Variants in CNTN5 observed in about 807,000 individuals in gnomAD.
CNTN5 encodes contactin 5.
CNTN5 carries 77 observed loss-of-function variants against 129.1 expected under a neutral mutation model. The ratio of observed to expected loss-of-function variants is 0.60; its 90% CI spans 0.50 to 0.72. CNTN5 has a LOEUF of 0.72. CNTN5 is among the 30% of genes least tolerant of loss of function. The probability of loss-of-function intolerance (pLI) is 0.00; values close to 1 mark genes in which losing one functional copy is unlikely to be tolerated. For missense variants in CNTN5, 1,478 were observed against 1,328.8 expected (o/e 1.11, Z -1.75); for synonymous variants, 509 against 465.6 (o/e 1.09, Z -1.20).
intron 3 of CNTN5, among the ~76,000 whole-genome samples, chr11:99,685,990 G>C (rs1953774316): frequency 6.6e-6 from 1 of 151,858 alleles, no homozygotes; most frequent in African/African-American, 2.4e-5. Flanking sequence ...TAACCCTGAA[G>C]AGCTTAAAAT....
chr11:99,569,289 G>GT (rs1194246575), intron 3 of CNTN5, among the ~76,000 whole-genome samples: 1 of 150,758 alleles, frequency 6.6e-6, no homozygotes, highest in Non-Finnish European at 1.5e-5. Context: ...TGGGATAACT[G>GT]TTTTTTATTT....
At chr11:99,283,062 G>T (rs959753637) in intron 1 of CNTN5, among the ~76,000 whole-genome samples, 21 of 152,090 alleles carry the variant, frequency 1.4e-4, no homozygotes, top group Admixed American at 6.6e-4. Context: ...ATATCCTGGG[G>T]AAAGAGGGCA....
Position 99,688,461 on chromosome 11 carries a change from G to A in CNTN5, c.56-131083G>A, listed in dbSNP as rs148497694. ...TTATTTACAAAGTCTTACAACAGGT[G>A]AGGTTGGGATAAGTAAATTGGTGTA... On this transcript the variant is annotated intron_variant, in intron 3 of 24. Coordinates refer to ENST00000524871, the MANE Select transcript of CNTN5 (RefSeq NM_014361.4). Among the ~76,000 whole-genome samples the A allele has an allele frequency of 2.0e-3, 311 of 152,318 alleles. 1 individual carries two copies. The highest frequency in any genetic ancestry group is 7.1e-3 in the African/African-American group (295 of 41,572).
intron 1 of CNTN5, among the ~76,000 whole-genome samples, chr11:99,233,962 A>T (rs1327650567): frequency 6.6e-6 from 1 of 152,032 alleles, no homozygotes; most frequent in Non-Finnish European, 1.5e-5. Context: ...ATAAATAAAT[A>T]AATAAATAAT....
intron 1 of CNTN5, among the ~76,000 whole-genome samples, chr11:99,287,551 C>A (rs1368865291): frequency 6.6e-6 from 1 of 152,030 alleles, no homozygotes; most frequent in Non-Finnish European, 1.5e-5. Context: ...TCCCAATAAT[C>A]TTTTCCTACT....
chr11:99,726,717 G>A (rs1015117548), intron 3 of CNTN5, among the ~76,000 whole-genome samples: 2 of 152,154 alleles, frequency 1.3e-5, no homozygotes, highest in South Asian at 4.1e-4. Flanking sequence ...GCAGCAAGTA[G>A]TGAAGTTAAG....
intron 3 of CNTN5, among the ~76,000 whole-genome samples, chr11:99,747,455 G>T (rs1944089666): frequency 7.1e-6 from 1 of 139,966 alleles, no homozygotes. Flanking sequence ...ATAGAAGTCA[G>T]CATCCTTTTT....
intron 2 of CNTN5, among the ~76,000 whole-genome samples, chr11:99,535,463 A>G (rs908925986): frequency 6.6e-6 from 1 of 152,158 alleles, no homozygotes; most frequent in African/African-American, 2.4e-5. Flanking sequence ...GCTATAGAAA[A>G]CAAATGGAAC....
chr11:99,935,987 G>A (rs554241316), intron 7 of CNTN5, among the ~76,000 whole-genome samples: 11 of 152,218 alleles, frequency 7.2e-5, no homozygotes, highest in Middle Eastern at 6.8e-3. Context: ...ATTCTCTCAC[G>A]TATGTTTTGA....
chr11:99,779,374 C>G (rs576553417), intron 3 of CNTN5, among the ~76,000 whole-genome samples: 1 of 152,072 alleles, frequency 6.6e-6, no homozygotes, highest in Non-Finnish European at 1.5e-5. Flanking sequence ...TAAAATTTGA[C>G]TCTCTTGTGA....
chr11:99,486,971 T>A (rs1225016880), intron 2 of CNTN5, among the ~76,000 whole-genome samples: 1 of 152,222 alleles, frequency 6.6e-6, no homozygotes, highest in East Asian at 1.9e-4. Context: ...ACATAGGAAC[T>A]GCATCTGTCT....
At chr11:99,338,399 T>C (rs1866335839) in intron 2 of CNTN5, among the ~76,000 whole-genome samples, 1 of 152,188 alleles carries the variant, frequency 6.6e-6, no homozygotes, top group Non-Finnish European at 1.5e-5. Flanking sequence ...TAGGGCATGG[T>C]GTCCACCATG....
chr11:100,312,986 T>A (rs981449375), intron 21 of CNTN5, among the ~76,000 whole-genome samples: 7 of 152,028 alleles, frequency 4.6e-5, no homozygotes, highest in Admixed American at 3.9e-4. Flanking sequence ...GTCAAAGGTA[T>A]AGCAAACCTG....
chr11:99,554,291 T>C (rs958281626), intron 2 of CNTN5, among the ~76,000 whole-genome samples: 1 of 152,126 alleles, frequency 6.6e-6, no homozygotes, highest in African/African-American at 2.4e-5. Context: ...GTGTTCCTTG[T>C]CAGTCTTTCC....
At chr11:99,108,633 C>A (rs1304564486) in intron 1 of CNTN5, among the ~76,000 whole-genome samples, 2 of 152,056 alleles carry the variant, frequency 1.3e-5, no homozygotes, top group African/African-American at 2.4e-5. Context: ...TACATAGTAT[C>A]CAAATACCAA....
Position 100,233,331 on chromosome 11 carries a change from T to A in CNTN5, c.2005+8519T>A, listed in dbSNP as rs1949535127. On this transcript the variant is annotated intron_variant, in intron 16 of 24. Transcript: ENST00000524871. ...AGGAGTACTGTAAGAAACAAGAGAA[T>A]GGCGTGACAAACTTTGCCTAGGAGT... Among the ~76,000 whole-genome samples the A allele has an allele frequency of 1.3e-5, 2 of 152,090 alleles. 1 individual carries two copies. Among genetic ancestry groups the A allele is most frequent in the South Asian group, 4.1e-4 (2 of 4,828 alleles).
intron 3 of CNTN5, among the ~76,000 whole-genome samples, chr11:99,697,668 T>G (rs932696057): frequency 6.6e-6 from 1 of 151,740 alleles, no homozygotes; most frequent in Non-Finnish European, 1.5e-5. Context: ...GAATAAAGTA[T>G]GAACTTTAAT....
In CNTN5 at chr11:99,251,200, A is replaced by G. The variant is rs146686425; in HGVS notation, c.-209-74146A>G. 5.7e-3 allele frequency among the ~76,000 whole-genome samples: 874 copies of G among 152,026 alleles called. 13 individuals carry two copies. The highest frequency in any genetic ancestry group is 0.02 in the African/African-American group (833 of 41,534). On this transcript the variant is annotated intron_variant, in intron 1 of 24. Transcript: ENST00000524871. ...AATTCAAAGAAAACAGGTTATTTAT[A>G]TGTTTTATTTTGCTGTCTCATCTTC...
In CNTN5 at chr11:99,431,624, G is replaced by A. The variant is rs1943374523; in HGVS notation, c.-71+106140G>A. Among the ~76,000 whole-genome samples, 3 of 152,122 alleles carry A rather than the reference G, an allele frequency of 2.0e-5. 1 individual carries two copies. Among genetic ancestry groups the A allele is most frequent in the Admixed American group, 2.0e-4 (3 of 15,254 alleles). ...TAAGAACCAATAGGAGTTTTGTCAT[G>A]GGTCAGGGTCATCTCCAGTCAGAGT... On this transcript the variant is annotated intron_variant, in intron 2 of 24. Transcript: ENST00000524871.
Sources: allele counts gnomAD v4.1 joint callset (sites outside exome capture counted in the v4.1 genomes callset), GRCh38; gene constraint gnomAD v4.1.1; transcripts MANE v1.5; gene names NCBI Gene and HGNC (gene_info 2026-07-23, HGNC 2026-07-21).